PCED1B: variants seen among roughly 807,000 people sequenced by gnomAD.
The protein encoded by PCED1B is PC-esterase domain-containing protein 1B.
For missense variants in PCED1B, 573 were observed against 573.9 expected (o/e 1.00, Z 0.02); for synonymous variants, 251 against 246.1 (o/e 1.02, Z -0.19).
rs796941360 is a variant in PCED1B at position 47,080,954 on chromosome 12, T to A, written c.-609+1229T>A. On this transcript the variant is annotated intron_variant, in intron 1 of 3. Transcript: ENST00000546455. ...GTGTGCGCGGAGGCTCTTCATCCCT[T>A]CCGGAGATGCCGCGGCCGACCAGCG... Among the ~76,000 whole-genome samples, 28 of 152,184 alleles carry A rather than the reference T, an allele frequency of 1.8e-4. 1 individual carries two copies. Among genetic ancestry groups the A allele is most frequent in the African/African-American group, 6.3e-4 (26 of 41,508 alleles).
chr12:47,172,340 C>CTTTTTTTTTTTTTTTTTTTTTTTTTTT (rs34230051), intron 2 of PCED1B, among the ~76,000 whole-genome samples: 8 of 78,330 alleles, frequency 1.0e-4, no homozygotes, highest in Admixed American at 3.0e-4. Flanking sequence ...TCGTGGGTTG[C>CTTTTTTTTTTTTTTTTTTTTTTTTTTT]TTTTTTTTTT....
chr12:47,221,795 A>C (rs553987105), intron 3 of PCED1B, among the ~76,000 whole-genome samples: 2 of 152,224 alleles, frequency 1.3e-5, no homozygotes, highest in East Asian at 3.9e-4. Flanking sequence ...GGGAAGATAA[A>C]TGAGTGTCTA....
chr12:47,107,716 C>T (rs1357219288), intron 2 of PCED1B, among the ~76,000 whole-genome samples: 1 of 152,174 alleles, frequency 6.6e-6, no homozygotes, highest in East Asian at 1.9e-4. Context: ...GCTGGGGACT[C>T]AGGCTCAGGT....
At chr12:47,185,522 C>G (rs1010886013) in intron 2 of PCED1B, among the ~76,000 whole-genome samples, 1 of 152,192 alleles carries the variant, frequency 6.6e-6, no homozygotes, top group African/African-American at 2.4e-5. Context: ...GGCACGGTGG[C>G]TCACACCTGT....
chr12:47,222,063 A>G (rs1048607157), intron 3 of PCED1B, among the ~76,000 whole-genome samples: 1 of 146,522 alleles, frequency 6.8e-6, no homozygotes. Flanking sequence ...TGATCGCACC[A>G]TGGCACTCCA....
intron 2 of PCED1B, among the ~76,000 whole-genome samples, chr12:47,148,596 C>G (rs10881051): frequency 0.58 from 87,848 of 151,950 alleles, 26,127 homozygotes; most frequent in South Asian, 0.65. Context: ...TGTTGCTTCA[C>G]TTTTCTGGAG....
At chr12:47,208,415 T>G (rs1374917366) in intron 2 of PCED1B, 1 of 152,264 alleles carries the variant, frequency 6.6e-6, no homozygotes, top group Non-Finnish European at 1.5e-5. Flanking sequence ...TATTTTTATT[T>G]TTTTGAGACG....
intron 2 of PCED1B, among the ~76,000 whole-genome samples, chr12:47,141,490 C>T: frequency 6.6e-6 from 1 of 152,164 alleles, no homozygotes; most frequent in Non-Finnish European, 1.5e-5. Context: ...TGGGAGGACT[C>T]ACACCCACCT....
intron 1 of PCED1B, among the ~76,000 whole-genome samples, chr12:47,087,476 A>C (rs1326379882): frequency 6.6e-6 from 1 of 152,208 alleles, no homozygotes; most frequent in Non-Finnish European, 1.5e-5. Flanking sequence ...GCCATAATTT[A>C]AATTCCATTC....
At chr12:47,167,359 T>G (rs1316902587) in intron 2 of PCED1B, among the ~76,000 whole-genome samples, 1 of 152,142 alleles carries the variant, frequency 6.6e-6, no homozygotes, top group Admixed American at 6.5e-5. Context: ...ATTTCCCTGC[T>G]GACCAACTAG....
chr12:47,093,814 A>T (rs888098996), intron 1 of PCED1B, among the ~76,000 whole-genome samples: 10 of 151,982 alleles, frequency 6.6e-5, no homozygotes, highest in African/African-American at 2.2e-4. Context: ...ATATTTTGAA[A>T]TTGTTGAGAC....
intron 3 of PCED1B, among the ~76,000 whole-genome samples, chr12:47,218,187 C>T (rs1365259894): frequency 1.3e-5 from 2 of 152,160 alleles, no homozygotes; most frequent in Non-Finnish European, 2.9e-5. Flanking sequence ...GAAGCGAGAG[C>T]TCGGCTGGAC....
At chr12:47,105,574 G>A (rs1330705300) in intron 2 of PCED1B, among the ~76,000 whole-genome samples, 1 of 152,114 alleles carries the variant, frequency 6.6e-6, no homozygotes, top group East Asian at 1.9e-4. Flanking sequence ...CCTATGAAAA[G>A]GAAAATAAAA....
intron 1 of PCED1B, among the ~76,000 whole-genome samples, chr12:47,086,811 T>G (rs1416605376): frequency 6.6e-6 from 1 of 152,202 alleles, no homozygotes; most frequent in Non-Finnish European, 1.5e-5. Context: ...TGGATAATAT[T>G]TAACAAACCC....
At chr12:47,205,475 G>A (rs990016966) in intron 2 of PCED1B, among the ~76,000 whole-genome samples, 1 of 152,146 alleles carries the variant, frequency 6.6e-6, no homozygotes, top group Non-Finnish European at 1.5e-5. Context: ...CTTCAGGTAG[G>A]AAGGTGGTTT....
At chr12:47,115,072 A>G (rs1431274476) in intron 2 of PCED1B, among the ~76,000 whole-genome samples, 4 of 152,220 alleles carry the variant, frequency 2.6e-5, no homozygotes, top group African/African-American at 7.2e-5. Flanking sequence ...ATCTAAGTGT[A>G]TAAAAAGGTA....
intron 2 of PCED1B, among the ~76,000 whole-genome samples, chr12:47,202,123 T>C (rs533325296): frequency 9.2e-5 from 14 of 152,374 alleles, no homozygotes; most frequent in African/African-American, 3.4e-4. Flanking sequence ...AGGATACTTA[T>C]GAAGCATTCA....
intron 2 of PCED1B, among the ~76,000 whole-genome samples, chr12:47,188,377 G>A (rs917794380): frequency 1.3e-5 from 2 of 152,144 alleles, no homozygotes; most frequent in African/African-American, 4.8e-5. Context: ...GGTGTTAGCT[G>A]CAAATCTTCC....
chr12:47,152,509 T>C (rs1941032019), intron 2 of PCED1B, among the ~76,000 whole-genome samples: 2 of 152,182 alleles, frequency 1.3e-5, no homozygotes, highest in African/African-American at 4.8e-5. Flanking sequence ...AGAGGAGAAT[T>C]AGGAGACATG....
Sources: gnomAD v4.1 joint callset for allele counts (sites outside exome capture counted in the v4.1 genomes callset) on GRCh38, gnomAD v4.1.1 for gene constraint, MANE v1.5 for transcripts, NCBI Gene and HGNC (gene_info 2026-07-23, HGNC 2026-07-21) for gene names.